The following RFC4 variants were observed in gnomAD, a reference collection of about 807,000 sequenced individuals.
RFC4 encodes A1 37 kDa subunit.
Under a neutral mutation model 47.6 loss-of-function variants are expected in RFC4, and 38 were observed. The observed-to-expected ratio is 0.80, with a 90% CI of 0.62 to 1.05. RFC4 has a LOEUF of 1.05. Among genes scored for constraint, RFC4 ranks in the 50% least tolerant of loss-of-function variants. The probability of loss-of-function intolerance (pLI) is 0.00; values close to 1 mark genes in which losing one functional copy is unlikely to be tolerated. For synonymous variants in RFC4, 164 were observed against 150.0 expected, an observed-to-expected ratio of 1.09 and a Z score of -0.68; for missense variants, 489 against 434.0, an observed-to-expected ratio of 1.13 and a Z score of -1.13.
chr3:186,790,684 A>G (rs55682370), intron 8 of RFC4, among the ~76,000 whole-genome samples: 2,493 of 152,260 alleles, frequency 0.016, 58 homozygotes, highest in African/African-American at 0.055. Flanking sequence ...GTGGATGAAG[A>G]TTAAGTTTTC....
At position 186,791,863 on chromosome 3, in the gene RFC4, G is replaced by T. The variant is rs1424268011; in HGVS notation, c.676-13C>A. The T allele has an allele frequency of 3.1e-6, 5 of 1,607,534 alleles. No homozygotes were observed. The highest frequency in any genetic ancestry group is 4.3e-6 in the Non-Finnish European group (5 of 1,176,182). On this transcript the variant is annotated splice_polypyrimidine_tract_variant and intron_variant, in intron 7 of 10. Transcript: ENST00000296273. Reference sequence around the variant, plus strand: ...GATAAGCTATTCCCTGAAGAGAAAAGAGTTGTTTTTAACCTATGATGGCCA... The same window carrying T: ...GATAAGCTATTCCCTGAAGAGAAAATAGTTGTTTTTAACCTATGATGGCCA...
rs374001648 is a variant in RFC4 at position 186,802,326 on chromosome 3, A to G, written c.132-1131T>C. Among the ~76,000 whole-genome samples the G allele has an allele frequency of 9.2e-5, 14 of 152,282 alleles. 1 individual carries two copies. The highest frequency in any genetic ancestry group is 5.9e-4 in the Admixed American group (9 of 15,284). On this transcript the variant is annotated intron_variant, in intron 2 of 10. Coordinates refer to ENST00000296273, the MANE Select transcript of RFC4 (RefSeq NM_002916.5). ...GGGCGACAGAGCAAGACTCTGTCTC[A>G]AAAGAAAAAAAAAAAGCATTGTTCC...
intron 2 of RFC4, among the ~76,000 whole-genome samples, chr3:186,803,299 C>A (rs1462975645): frequency 6.6e-6 from 1 of 151,774 alleles, no homozygotes; most frequent in Non-Finnish European, 1.5e-5. Flanking sequence ...GCTGACATTG[C>A]GCCACTGCAC....
intron 8 of RFC4, chr3:186,791,306 T>G: frequency 4.8e-6 from 1 of 210,126 alleles, no homozygotes; most frequent in Admixed American, 5.2e-5. Flanking sequence ...TCAACCAACA[T>G]CGTGAAACCC....
At chr3:186,800,127 T>G (rs1055127581) in intron 3 of RFC4, among the ~76,000 whole-genome samples, 16 of 152,036 alleles carry the variant, frequency 1.1e-4, no homozygotes, top group African/African-American at 3.1e-4. Context: ...GGCTACTTTT[T>G]CTAATTTTTG....
Position 186,793,790 on chromosome 3 carries a change from T to C in RFC4, c.411-843A>G, listed in dbSNP as rs1188486876. ...CAGGCTGGAGTGCAGTGGTGCGATC[T>C]TGGCTCACTGCAAGCTCTGCCTCCT... On this transcript the variant is annotated intron_variant, in intron 5 of 10. Coordinates refer to ENST00000296273, the MANE Select transcript of RFC4 (RefSeq NM_002916.5). This position sits in a 1 kb window ranked among gnomAD's most constrained non-coding sequence, Gnocchi z 4.2. Among the ~76,000 whole-genome samples the C allele has an allele frequency of 1.3e-5, 2 of 152,040 alleles. No homozygotes were observed. Among genetic ancestry groups the C allele is most frequent in the African/African-American group, 4.8e-5 (2 of 41,380 alleles).
rs1722243908 is a variant in RFC4, at chr3:186,796,324, T to G, written c.290+1211A>C. On this transcript the variant is annotated intron_variant, in intron 4 of 10. Coordinates refer to ENST00000296273, the MANE Select transcript of RFC4 (RefSeq NM_002916.5). This position sits in a 1 kb window ranked among gnomAD's most constrained non-coding sequence, Gnocchi z 4.2. ...TTAAGGCTGATTCAGATTGGTTCTA[T>G]CTGATTGAGTTGTGGAATAATCAAA... Among the ~76,000 whole-genome samples, 1 of 152,220 alleles carries G rather than the reference T, an allele frequency of 6.6e-6. No individual in the cohort carries two copies. Among genetic ancestry groups the G allele is most frequent in the Admixed American group, 6.5e-5 (1 of 15,278 alleles).
At chr3:186,792,985 T>C (rs1722174953) in intron 5 of RFC4, 38 bp from the exon 6 acceptor site, 2 of 1,571,738 alleles carry the variant, frequency 1.3e-6, no homozygotes, top group African/African-American at 1.4e-5. Flanking sequence ...AACATTAATA[T>C]GTATATTGGT....
At chr3:186,795,731 T>C (rs536694304) in intron 4 of RFC4, among the ~76,000 whole-genome samples, 1 of 152,188 alleles carries the variant, frequency 6.6e-6, no homozygotes, top group South Asian at 2.1e-4. Context: ...ATGTGGAGGT[T>C]GCAGTGAGCC....
chr3:186,790,432 A>C, intron 8 of RFC4, 26 bp from the exon 9 acceptor site: 1 of 1,541,658 alleles, frequency 6.5e-7, no homozygotes, highest in South Asian at 1.1e-5. Flanking sequence ...TTCGGTATTA[A>C]AGATGTTTCT....
At chr3:186,792,770 T>C (rs369808651) in intron 6 of RFC4, 34 bp downstream of exon 6, 24 of 1,577,228 alleles carry the variant, frequency 1.5e-5, no homozygotes, top group Non-Finnish European at 1.9e-5. Flanking sequence ...AAAATAAGGC[T>C]GCCTAGCATC....
intron 6 of RFC4, 30 bp from the exon 7 acceptor site, chr3:186,792,640 G>A (rs1238132997): frequency 6.3e-7 from 1 of 1,593,660 alleles, no homozygotes. Context: ...CCAAGTTGGT[G>A]TCTAAAGAAA....
At chr3:186,805,506 G>C (rs1455189404) in intron 1 of RFC4, 1 of 152,264 alleles carries the variant, frequency 6.6e-6, no homozygotes, top group African/African-American at 2.4e-5. Context: ...ACAGGTGTGA[G>C]CCATCTCGCC....
In RFC4 at chr3:186,804,623, C is replaced by T. The variant is rs1165977260; in HGVS notation, c.91G>A (p.Glu31Lys). Residue 31 changes from glutamate (E) to lysine (K), a missense_variant, in exon 2 of 11, where the codon GAG becomes AAG. Around this residue, in one of 2 missense-constraint regions of RFC4, gnomAD observed 206 missense variants for 257.8 expected, o/e 0.80. Transcript: ENST00000296273. ...GVAASAGSSG[E>K]NKKAKPVPWV... ...GGAACGGGTTTGGCTTTCTTGTTCT[C>T]TCCGCTACTTCCCGCACTGGCAGCT... 6.2e-7 allele frequency: 1 copy of T among 1,614,012 alleles called. No homozygotes were observed. The highest frequency in any genetic ancestry group is 8.5e-7 in the Non-Finnish European group (1 of 1,180,012).
chr3:186,792,537 G>T lies in RFC4; in HGVS notation c.628C>A (p.Arg210=). The change falls in exon 7 of 11, where the codon CGA becomes AGA. Residue 210 remains arginine, a synonymous_variant. Transcript: ENST00000296273. ...KPLSDKIQQQ[R]LLDIAKKENV... is the part of the protein sequence containing the mutation. ...TCCTTCTTGGCAATGTCTAGTAATC[G>T]CTGCTGTTGAATTTTATCTGACAGA... is the stretch of plus-strand genomic sequence containing the variant. 6.2e-7 allele frequency: 1 copy of T among 1,612,722 alleles called. No homozygotes were observed. Among genetic ancestry groups the T allele is most frequent in the Non-Finnish European group, 8.5e-7 (1 of 1,178,958 alleles).
chr3:186,789,965 CACGTTA>C lies in RFC4; in HGVS notation c.1090_*3del, dbSNP rs1560088573. ...ACAAAACCCCCCATCCAGATATATT[CACGTTA>C]ACAATTCTGAGATAACTGCTGCATC... is the stretch of plus-strand genomic sequence containing the variant. On this transcript the variant is annotated stop_lost and 3_prime_UTR_variant, in exon 11 of 11. Transcript: ENST00000296273. 1 of 1,576,014 alleles carries C rather than the reference CACGTTA, an allele frequency of 6.3e-7. No homozygotes were observed. Among genetic ancestry groups the C allele is most frequent in the South Asian group, 1.1e-5 (1 of 89,780 alleles).
intron 2 of RFC4, among the ~76,000 whole-genome samples, chr3:186,801,776 C>T (rs1722361491): frequency 6.8e-6 from 1 of 146,992 alleles, no homozygotes; most frequent in Admixed American, 6.8e-5. Context: ...CTAATCCCAA[C>T]ACTTAGGGAG....
Position 186,793,910 on chromosome 3 carries a change from G to C in RFC4, c.410+748C>G, listed in dbSNP as rs567783179. Among the ~76,000 whole-genome samples the C allele has an allele frequency of 5.3e-5, 8 of 152,244 alleles. No homozygotes were observed. Among genetic ancestry groups the C allele is most frequent in the Non-Finnish European group, 1.2e-4 (8 of 68,022 alleles). The stretch of plus-strand genomic sequence containing the variant: ...GCTAATTTTTTGTATTTTTAGTAGA[G>C]ATGGGGTTTCACCATGTTCGCCAGG... On this transcript the variant is annotated intron_variant, in intron 5 of 10. Coordinates refer to ENST00000296273, the MANE Select transcript of RFC4 (RefSeq NM_002916.5). This position sits in a 1 kb window ranked among gnomAD's most constrained non-coding sequence, Gnocchi z 4.2.
chr3:186,790,465 T>C (rs960020862), intron 8 of RFC4, 59 bp from the exon 9 acceptor site: 2 of 1,206,160 alleles, frequency 1.7e-6, no homozygotes, highest in African/African-American at 1.5e-5. Context: ...ACATACACTC[T>C]GCCAACTGGC....
Sources: gnomAD v4.1 joint callset for allele counts (sites outside exome capture counted in the v4.1 genomes callset) on GRCh38, gnomAD v4.1.1 for gene constraint, gnomAD v4.1.1 regional missense constraint, Gnocchi (gnomAD v3.1) non-coding constraint, MANE v1.5 for transcripts, NCBI Gene and HGNC (gene_info 2026-07-23, HGNC 2026-07-21) for gene names.